SMARCD2: variants seen among roughly 807,000 people sequenced by gnomAD.
SMARCD2 encodes SWI/SNF related BAF chromatin remodeling complex subunit D2.
In SMARCD2, 39 loss-of-function variants were observed where a neutral mutation model predicts 70.4. The ratio of observed to expected loss-of-function variants is 0.55; its 90% CI spans 0.43 to 0.72. The LOEUF (loss-of-function observed/expected upper bound fraction) is 0.72, where lower values mean the gene tolerates loss of function less well. Among genes scored for constraint, SMARCD2 ranks in the 30% least tolerant of loss-of-function variants. The pLI is 0.00. For synonymous variants in SMARCD2, 249 were observed against 279.4 expected, an observed-to-expected ratio of 0.89 and a Z score of 1.08; for missense variants, 540 against 713.4, an observed-to-expected ratio of 0.76 and a Z score of 2.77.
chr17:63,840,146 T>A (rs1435164902), intron 1 of SMARCD2, among the ~76,000 whole-genome samples: 2 of 151,718 alleles, frequency 1.3e-5, no homozygotes, highest in African/African-American at 4.8e-5. Flanking sequence ...AAAAAATTTT[T>A]TTTTTGAACT....
rs758472086 is a variant in SMARCD2 at position 63,837,645 on chromosome 17, G to A, written c.217-20C>T. Reference sequence around the variant, plus strand: ...AGGTCGCTGGGGGAAGTGAGCCAACGGGGGTGCATAGGTCAGGGGCAAGGC... The same window carrying A: ...AGGTCGCTGGGGGAAGTGAGCCAACAGGGGTGCATAGGTCAGGGGCAAGGC... On this transcript the variant is annotated intron_variant, in intron 1 of 12. Coordinates refer to ENST00000448276, the MANE Select transcript of SMARCD2 (RefSeq NM_001098426.2). This position sits in a 1 kb window ranked among gnomAD's most constrained non-coding sequence, Gnocchi z 6.4. 22 of 1,607,576 alleles carry A rather than the reference G, an allele frequency of 1.4e-5. No homozygotes were observed. The highest frequency in any genetic ancestry group is 1.7e-4 in the Middle Eastern group (1 of 5,962).
At chr17:63,836,799 T>C in intron 4 of SMARCD2, 123 bp downstream of exon 4, 1 of 803,814 alleles carries the variant, frequency 1.2e-6, no homozygotes, top group Non-Finnish European at 2.1e-6. Flanking sequence ...CGTACTCTAC[T>C]AGTGGGCTGC....
At chr17:63,838,463 G>T in intron 1 of SMARCD2, 1 of 684,328 alleles carries the variant, frequency 1.5e-6, no homozygotes, top group Non-Finnish European at 2.2e-6. Flanking sequence ...GCCAGGACTG[G>T]CTCTGGCTCC....
rs939285011 is a variant in SMARCD2, at chr17:63,837,696, T to TC, written c.217-72dup. On this transcript the variant is annotated intron_variant, in intron 1 of 12. Transcript: ENST00000448276. This position sits in a 1 kb window ranked among gnomAD's most constrained non-coding sequence, Gnocchi z 6.4. ...CCTCCGGGACCCATAGCCCATGCCC[T>TC]CCATCCCTCTCGTCAGCCAGGTAGG... The TC allele has an allele frequency of 2.8e-5, 36 of 1,288,848 alleles. No homozygotes were observed. The highest frequency in any genetic ancestry group is 2.5e-4 in the Middle Eastern group (1 of 4,004). The allele number at this position is 1,288,848 out of a possible 1,614,324, so 79.8% of individuals were successfully genotyped here. A position where few individuals can be genotyped will look rare whatever the true frequency, so the allele number is the denominator to read the frequency against.
Position 63,834,019 on chromosome 17 carries a change from C to G in SMARCD2, c.1084-13G>C, listed in dbSNP as rs758840724. ...CACAACTGAAGATCTGGAGGAAATACGAAAGGCTCAGCGTTGGCTTGTGGG... is the reference window on the plus strand; with the variant it reads ...CACAACTGAAGATCTGGAGGAAATAGGAAAGGCTCAGCGTTGGCTTGTGGG... On this transcript the variant is annotated splice_polypyrimidine_tract_variant and intron_variant, in intron 8 of 12. Coordinates refer to ENST00000448276, the MANE Select transcript of SMARCD2 (RefSeq NM_001098426.2). This position sits in a 1 kb window ranked among gnomAD's most constrained non-coding sequence, Gnocchi z 5.6. The G allele has an allele frequency of 6.2e-7, 1 of 1,611,166 alleles. No homozygotes were observed. Among genetic ancestry groups the G allele is most frequent in the South Asian group, 1.1e-5 (1 of 91,028 alleles).
chr17:63,841,132 C>G (rs1038568648), intron 1 of SMARCD2, among the ~76,000 whole-genome samples: 3 of 152,260 alleles, frequency 2.0e-5, no homozygotes, highest in African/African-American at 7.2e-5. Flanking sequence ...CCATGAATCC[C>G]CAACGGGGAC....
chr17:63,837,566 AG>A lies in SMARCD2; in HGVS notation c.275del (p.Pro92LeufsTer20). 1.2e-6 allele frequency: 2 copies of A among 1,612,448 alleles called. No individual in the cohort carries two copies. Among genetic ancestry groups the A allele is most frequent in the Non-Finnish European group, 8.5e-7 (1 of 1,179,416 alleles). On this transcript the variant is annotated frameshift_variant, in exon 2 of 13. Coordinates refer to ENST00000448276, the MANE Select transcript of SMARCD2 (RefSeq NM_001098426.2). LOFTEE classifies it high-confidence loss of function. The surrounding 1 kb of genome is among the most constrained non-coding windows in gnomAD (Gnocchi z 6.4). ...CTGCTGCACCAAATGGGGAGCCAGC[AG>A]GGGGTCCCACCTGCAAGCCAGCCAT... ...MPMAGLQVGPPAGSPFGAAAP... is the reference protein window; with the variant it reads ...MPMAGLQVGPXAGSPFGAAAP...
In SMARCD2 at chr17:63,833,725, G is replaced by A. The variant is rs879111374; in HGVS notation, c.1182-3C>T. The A allele has an allele frequency of 1.2e-6, 2 of 1,613,998 alleles. No individual in the cohort carries two copies. The highest frequency in any genetic ancestry group is 1.3e-5 in the African/African-American group (1 of 75,044). On this transcript the variant is annotated splice_region_variant and splice_polypyrimidine_tract_variant and intron_variant, in intron 9 of 12. Coordinates refer to ENST00000448276, the MANE Select transcript of SMARCD2 (RefSeq NM_001098426.2). This position sits in a 1 kb window ranked among gnomAD's most constrained non-coding sequence, Gnocchi z 4.3. ...TCTTCTGGTCGTTAGGGTCGACACT[G>A]CAGGCAGCACATGGGGAGGGAAGGC...
At position 63,833,976 on chromosome 17, in the gene SMARCD2, C is replaced by T. The variant is rs755836175; in HGVS notation, c.1114G>A (p.Glu372Lys). 5.6e-6 allele frequency: 9 copies of T among 1,613,788 alleles called. No individual in the cohort carries two copies. Among genetic ancestry groups the T allele is most frequent in the African/African-American group, 1.3e-5 (1 of 74,916 alleles). ...IFSCGRLRFS[E>K]IPMKLAGLLQ... ...AACCCTGCCAGCTTCATGGGAATCT[C>T]GGAGAAACGGAGTCGGCCACAACTG... Residue 372 changes from glutamate (E) to lysine (K), a missense_variant, in exon 9 of 13, where the codon GAG becomes AAG. Coordinates refer to ENST00000448276, the MANE Select transcript of SMARCD2 (RefSeq NM_001098426.2). The surrounding 1 kb of genome is among the most constrained non-coding windows in gnomAD (Gnocchi z 4.3).
Position 63,833,776 on chromosome 17 carries a change from C to A in SMARCD2, c.1182-54G>T. 3.1e-6 allele frequency: 5 copies of A among 1,609,578 alleles called. No individual in the cohort carries two copies. Among genetic ancestry groups the A allele is most frequent in the Non-Finnish European group, 4.3e-6 (5 of 1,176,136 alleles). On this transcript the variant is annotated intron_variant, in intron 9 of 12. Coordinates refer to ENST00000448276, the MANE Select transcript of SMARCD2 (RefSeq NM_001098426.2). The surrounding 1 kb of genome is among the most constrained non-coding windows in gnomAD (Gnocchi z 4.3). ...ACATAGCTGACTTCATCCTGCCCAC[C>A]TGGGCCAAATCTGGGGCCCATTCTC...
intron 1 of SMARCD2, among the ~76,000 whole-genome samples, chr17:63,840,061 G>A (rs976513130): frequency 4.6e-5 from 7 of 152,140 alleles, no homozygotes; most frequent in Admixed American, 2.6e-4. Context: ...CCTGGGAGGC[G>A]GAGGTTGCAG....
At chr17:63,838,701 T>C in intron 1 of SMARCD2, 1 of 1,330,172 alleles carries the variant, frequency 7.5e-7, no homozygotes, top group Non-Finnish European at 9.7e-7. Flanking sequence ...CTGCAAGGCC[T>C]GTTTGGCAGC....
rs769092314 is a variant in SMARCD2, at chr17:63,833,362, C to T, written c.1376G>A (p.Ser459Asn). ...QLKTQRDFML[S>N]FSTDPQDFIQ... Reference sequence around the variant, plus strand: ...GAAGTCCTGGGGGTCGGTGCTAAAACTGAGCATGAAATCTCTCTGGGTCTT... The same window carrying T: ...GAAGTCCTGGGGGTCGGTGCTAAAATTGAGCATGAAATCTCTCTGGGTCTT... Residue 459 changes from serine to asparagine, a missense_variant, in exon 11 of 13, where the codon AGT (serine) becomes AAT (asparagine). By Grantham distance (46) the Ser-to-Asn change is conservative. Coordinates refer to ENST00000448276, the MANE Select transcript of SMARCD2 (RefSeq NM_001098426.2). This position sits in a 1 kb window ranked among gnomAD's most constrained non-coding sequence, Gnocchi z 4.3. The T allele has an allele frequency of 3.7e-6, 6 of 1,614,038 alleles. No individual in the cohort carries two copies. In the Admixed American group the frequency reaches 5.0e-5, roughly 13 times the overall value.
chr17:63,837,103 CCCTT>C lies in SMARCD2; in HGVS notation c.445-63_445-60del. 6 of 1,612,888 alleles carry C rather than the reference CCCTT, an allele frequency of 3.7e-6. No homozygotes were observed. The highest frequency in any genetic ancestry group is 5.1e-6 in the Non-Finnish European group (6 of 1,178,978). On this transcript the variant is annotated intron_variant, in intron 3 of 12. Transcript: ENST00000448276. This position sits in a 1 kb window ranked among gnomAD's most constrained non-coding sequence, Gnocchi z 6.4. Reference sequence around the variant, plus strand: ...TTCAGCCAAAGCCTGGCTCTTTCCTCCCTTCCTGCTGCAGCCCAGCTTTGAGAGA... The same window carrying C: ...TTCAGCCAAAGCCTGGCTCTTTCCTCCCTGCTGCAGCCCAGCTTTGAGAGA...
In SMARCD2 at chr17:63,835,401, C is replaced by A; in HGVS notation, c.723+11G>T. ...GCCTCCTTCCCTCCAGAACCTCCCT[C>A]CCCAACTCACATCATCCAGCAGTTT... On this transcript the variant is annotated intron_variant, in intron 5 of 12. Coordinates refer to ENST00000448276, the MANE Select transcript of SMARCD2 (RefSeq NM_001098426.2). 1 of 1,611,406 alleles carries A rather than the reference C, an allele frequency of 6.2e-7. No homozygotes were observed.
chr17:63,836,500 G>GAAAAAAAAA, intron 4 of SMARCD2, among the ~76,000 whole-genome samples: 1 of 64,830 alleles, frequency 1.5e-5, no homozygotes, highest in Non-Finnish European at 3.3e-5. Context: ...CTCCATCTCA[G>GAAAAAAAAA]AAAAAAAAAA....
intron 5 of SMARCD2, chr17:63,835,131 T>A: frequency 8.1e-6 from 4 of 496,650 alleles, no homozygotes; most frequent in Non-Finnish European, 1.4e-5. Flanking sequence ...TGGCCCAGTC[T>A]TTTTTTTTCT....
At chr17:63,842,386 G>A in intron 1 of SMARCD2, 73 bp downstream of exon 1, 2 of 1,259,854 alleles carry the variant, frequency 1.6e-6, no homozygotes, top group Non-Finnish European at 2.0e-6. Context: ...CTCACTCGAG[G>A]CCCCTTCAGC....
Position 63,835,462 on chromosome 17 carries a change from C to A in SMARCD2, c.673G>T (p.Asp225Tyr). Reference protein sequence around the residue: ...AGTPGGTPAGDKVASWELRVE... With the variant: ...AGTPGGTPAGYKVASWELRVE... ...CGGAGTTCCCAGGAAGCCACCTTGT[C>A]CCCTGCTGGGGTTCCCCCAGGGGTC... is the stretch of plus-strand genomic sequence containing the variant. The change falls in exon 5 of 13, where the codon GAC (aspartate) becomes TAC (tyrosine). Residue 225 changes from aspartate (D) to tyrosine (Y), a missense_variant. Coordinates refer to ENST00000448276, the MANE Select transcript of SMARCD2 (RefSeq NM_001098426.2). 1 of 1,613,932 alleles carries A rather than the reference C, an allele frequency of 6.2e-7. No individual in the cohort carries two copies. Among genetic ancestry groups the A allele is most frequent in the Non-Finnish European group, 8.5e-7 (1 of 1,179,830 alleles).
Sources: gnomAD v4.1 joint callset for allele counts (sites outside exome capture counted in the v4.1 genomes callset) on GRCh38, gnomAD v4.1.1 for gene constraint, Gnocchi (gnomAD v3.1) non-coding constraint, MANE v1.5 for transcripts, NCBI Gene and HGNC (gene_info 2026-07-23, HGNC 2026-07-21) for gene names.